SEMA3A: variants seen among roughly 807,000 people sequenced by gnomAD.
SEMA3A encodes the protein semaphorin-3A.
A neutral mutation model predicts 97.9 loss-of-function variants in SEMA3A; 29 were observed. The ratio of observed to expected loss-of-function variants is 0.30; its 90% CI spans 0.22 to 0.40. The LOEUF is 0.40. SEMA3A is among the 10% of genes least tolerant of loss of function. The pLI is 1.00. For synonymous variants in SEMA3A, 321 were observed against 323.7 expected, an observed-to-expected ratio of 0.99 and a Z score of 0.09; for missense variants, 763 against 951.3, an observed-to-expected ratio of 0.80 and a Z score of 2.60.
chr7:84,378,546 T>G (rs886518198), intron 1 of SEMA3A, among the ~76,000 whole-genome samples: 2 of 151,788 alleles, frequency 1.3e-5, no homozygotes, highest in Non-Finnish European at 2.9e-5. Context: ...CATCACACAC[T>G]GGGGCCTTTC....
intron 4 of SEMA3A, among the ~76,000 whole-genome samples, chr7:84,062,820 C>T: frequency 6.6e-6 from 1 of 151,516 alleles, no homozygotes; most frequent in Non-Finnish European, 1.5e-5. Flanking sequence ...GATCAAACTA[C>T]AAGGCCGCAG....
chr7:84,352,041 GAAA>G (rs35118818), intron 2 of SEMA3A, among the ~76,000 whole-genome samples: 1 of 134,900 alleles, frequency 7.4e-6, no homozygotes. Context: ...GCAGCCATAA[GAAA>G]AAAAAAAAAA....
intron 5 of SEMA3A, among the ~76,000 whole-genome samples, chr7:84,048,754 T>G (rs867247382): frequency 1.3e-5 from 2 of 152,094 alleles, no homozygotes; most frequent in Admixed American, 1.3e-4. Context: ...AACAGGAGGT[T>G]TAATAGGAAA....
At chr7:84,039,932 T>A (rs1232186658) in intron 6 of SEMA3A, among the ~76,000 whole-genome samples, 3 of 152,030 alleles carry the variant, frequency 2.0e-5, no homozygotes, top group Non-Finnish European at 4.4e-5. Flanking sequence ...AAGTCAACAT[T>A]TCCCTCTGTC....
intron 6 of SEMA3A, among the ~76,000 whole-genome samples, chr7:84,044,567 G>A (rs1345704881): frequency 2.0e-5 from 3 of 151,998 alleles, no homozygotes; most frequent in South Asian, 4.1e-4. Flanking sequence ...GCTAGTTAAT[G>A]ATAAATACTG....
chr7:84,110,808 C>A (rs1023736844), intron 3 of SEMA3A, among the ~76,000 whole-genome samples: 2 of 151,558 alleles, frequency 1.3e-5, no homozygotes, highest in African/African-American at 4.9e-5. Context: ...CTGGTGAGAA[C>A]AATTATTTTA....
chr7:84,476,320 C>G (rs531602320), intron 1 of SEMA3A, among the ~76,000 whole-genome samples: 66 of 150,586 alleles, frequency 4.4e-4, no homozygotes, highest in African/African-American at 1.6e-3. Flanking sequence ...GATCGCACCA[C>G]TGCACTCCAG....
chr7:84,107,825 T>C (rs1439585155), intron 4 of SEMA3A, among the ~76,000 whole-genome samples: 1 of 152,136 alleles, frequency 6.6e-6, no homozygotes, highest in East Asian at 1.9e-4. Context: ...GCATTTTAAT[T>C]TAAATGACCA....
intron 4 of SEMA3A, among the ~76,000 whole-genome samples, chr7:84,094,762 T>C (rs1054118647): frequency 2.0e-5 from 3 of 152,130 alleles, no homozygotes; most frequent in African/African-American, 7.2e-5. Flanking sequence ...ATCAAATTTA[T>C]TAATTGCCCG....
intron 12 of SEMA3A, among the ~76,000 whole-genome samples, chr7:83,992,760 AGATGT>A (rs1790018854): frequency 6.6e-6 from 1 of 151,992 alleles, no homozygotes; most frequent in South Asian, 2.1e-4. Flanking sequence ...ATTTTGGAAT[AGATGT>A]GGTGTGGTGC....
At chr7:84,053,237 G>A (rs1220430686) in intron 5 of SEMA3A, among the ~76,000 whole-genome samples, 3 of 106,466 alleles carry the variant, frequency 2.8e-5, no homozygotes, top group Admixed American at 1.1e-4. Flanking sequence ...TACGCTTGGC[G>A]CAGAGCTGAG....
intron 4 of SEMA3A, among the ~76,000 whole-genome samples, chr7:84,104,732 T>A (rs1490175024): frequency 6.6e-6 from 1 of 152,146 alleles, no homozygotes; most frequent in African/African-American, 2.4e-5. Flanking sequence ...GTCTTACTGA[T>A]AATATTTAGA....
At chr7:84,414,578 A>G (rs147907795) in intron 1 of SEMA3A, among the ~76,000 whole-genome samples, 3 of 152,222 alleles carry the variant, frequency 2.0e-5, no homozygotes, top group African/African-American at 7.2e-5. Context: ...TTCTAGTATA[A>G]TAGGAAGTAC....
chr7:84,098,723 A>G (rs887390170), intron 4 of SEMA3A, among the ~76,000 whole-genome samples: 1 of 152,114 alleles, frequency 6.6e-6, no homozygotes, highest in African/African-American at 2.4e-5. Context: ...CTAAGTATTA[A>G]TAAGCACATC....
At chr7:84,053,695 G>T (rs1005238446) in intron 5 of SEMA3A, among the ~76,000 whole-genome samples, 4 of 149,822 alleles carry the variant, frequency 2.7e-5, no homozygotes, top group Non-Finnish European at 6.0e-5. Context: ...TTTAATTGGA[G>T]CATTTAGTCC....
At chr7:84,364,591 A>T (rs1309273757) in intron 2 of SEMA3A, among the ~76,000 whole-genome samples, 1 of 151,792 alleles carries the variant, frequency 6.6e-6, no homozygotes, top group African/African-American at 2.4e-5. Flanking sequence ...GTATTTTGTT[A>T]TGTGACATGG....
chr7:84,078,722 A>G (rs1794040589), intron 4 of SEMA3A, among the ~76,000 whole-genome samples: 1 of 151,880 alleles, frequency 6.6e-6, no homozygotes, highest in Admixed American at 6.6e-5. Flanking sequence ...ATTATTATAC[A>G]TGTAATTATG....
intron 1 of SEMA3A, among the ~76,000 whole-genome samples, chr7:84,163,928 C>T (rs1262874253): frequency 6.6e-6 from 1 of 151,632 alleles, no homozygotes; most frequent in Non-Finnish European, 1.5e-5. Flanking sequence ...TCACCGCAAC[C>T]TCCGCCTCCT....
intron 4 of SEMA3A, among the ~76,000 whole-genome samples, chr7:84,076,935 A>G (rs1420472361): frequency 6.6e-6 from 1 of 152,164 alleles, no homozygotes. Context: ...GGTAGAAACC[A>G]AGGAAAACAG....
Sources: allele counts gnomAD v4.1 joint callset (sites outside exome capture counted in the v4.1 genomes callset), GRCh38; gene constraint gnomAD v4.1.1; transcripts MANE v1.5; gene names NCBI Gene and HGNC (gene_info 2026-07-23, HGNC 2026-07-21).